PPA2: variants seen among roughly 807,000 people sequenced by gnomAD.
PPA2 encodes inorganic pyrophosphatase 2.
In PPA2, 48 loss-of-function variants were observed where a neutral mutation model predicts 49.5. The ratio of observed to expected loss-of-function variants is 0.97; its 90% CI spans 0.77 to 1.23. The LOEUF (loss-of-function observed/expected upper bound fraction) is 1.23, where lower values mean the gene tolerates loss of function less well. Among genes scored for constraint, PPA2 ranks in the 50% most tolerant of loss-of-function variants. The pLI is 0.00. For missense variants in PPA2, 429 were observed against 410.1 expected, an observed-to-expected ratio of 1.05 and a Z score of -0.40; for synonymous variants, 131 against 139.9, an observed-to-expected ratio of 0.94 and a Z score of 0.45.
At chr4:105,450,564 C>G (rs1722623696) in intron 3 of PPA2, among the ~76,000 whole-genome samples, 1 of 139,710 alleles carries the variant, frequency 7.2e-6, no homozygotes, top group Non-Finnish European at 1.5e-5. Context: ...TTAGTAGAGA[C>G]AGGGTTTCAC....
intron 10 of PPA2, among the ~76,000 whole-genome samples, chr4:105,374,465 T>C (rs1389914263): frequency 6.6e-6 from 1 of 152,238 alleles, no homozygotes; most frequent in Non-Finnish European, 1.5e-5. Context: ...TCTCATTATC[T>C]TTATATCTTT....
rs1422427246 is a variant in PPA2 at position 105,449,481 on chromosome 4, TACCTTAGATGTTTTCCCCCGACAAAAAAA to T, written c.268-107_268-79del. 3.5e-5 allele frequency: 30 copies of T among 845,588 alleles called. No individual in the cohort carries two copies. In the African/African-American group the frequency reaches 4.8e-4, roughly 14 times the overall value. The allele number at this position is 845,588 out of a possible 1,614,324, so 52.4% of individuals were successfully genotyped here. ...TTTTCCGTTACCTCCCTTATAAGAA[TACCTTAGATGTTTTCCCCCGACAAAAAAA>T]ATGTTGAGTCTCCATCATACATCTA... On this transcript the variant is annotated intron_variant, in intron 3 of 11. Transcript: ENST00000341695.
At chr4:105,404,071 T>C (rs532941039) in intron 7 of PPA2, among the ~76,000 whole-genome samples, 5 of 152,156 alleles carry the variant, frequency 3.3e-5, no homozygotes, top group African/African-American at 1.2e-4. Context: ...AAGGTATATT[T>C]TATATACAAA....
intron 4 of PPA2, 79 bp from the exon 5 acceptor site, chr4:105,446,581 T>A (rs1560635274): frequency 6.9e-7 from 1 of 1,445,116 alleles, no homozygotes; most frequent in African/African-American, 1.5e-5. Flanking sequence ...CTTTTAAAAA[T>A]CTGCTATTTT....
chr4:105,459,141 T>C (rs1046904063), intron 1 of PPA2, among the ~76,000 whole-genome samples: 1 of 152,122 alleles, frequency 6.6e-6, no homozygotes, highest in Non-Finnish European at 1.5e-5. Context: ...TTCCCCACCC[T>C]AGCAACAAGG....
intron 9 of PPA2, among the ~76,000 whole-genome samples, chr4:105,394,629 CA>C (rs1428067427): frequency 2.0e-5 from 3 of 152,078 alleles, no homozygotes; most frequent in African/African-American, 4.8e-5. Context: ...TAATCCTTAT[CA>C]TTACTCAGGA....
At chr4:105,376,081 C>T (rs1329503457) in intron 10 of PPA2, among the ~76,000 whole-genome samples, 1 of 152,172 alleles carries the variant, frequency 6.6e-6, no homozygotes, top group African/African-American at 2.4e-5. Flanking sequence ...ACATGAAATG[C>T]TTATATTGAT....
chr4:105,370,910 T>G (rs140978728), intron 10 of PPA2, 37 bp from the exon 11 acceptor site: 1 of 1,434,756 alleles, frequency 7.0e-7, no homozygotes, highest in South Asian at 1.4e-5. Context: ...TCTGTTACAA[T>G]AAATATTTAT....
intron 1 of PPA2, among the ~76,000 whole-genome samples, chr4:105,466,215 C>A (rs971398361): frequency 2.0e-5 from 3 of 151,974 alleles, no homozygotes; most frequent in East Asian, 3.9e-4. Context: ...AGAGAACACC[C>A]ACTTGACCTT....
intron 7 of PPA2, among the ~76,000 whole-genome samples, chr4:105,410,801 A>C (rs1722717769): frequency 6.6e-6 from 1 of 152,214 alleles, no homozygotes; most frequent in Non-Finnish European, 1.5e-5. Flanking sequence ...AGAATTTCAT[A>C]TCAAGCCAAA....
At chr4:105,467,496 A>C (rs1006885592) in intron 1 of PPA2, among the ~76,000 whole-genome samples, 10 of 152,202 alleles carry the variant, frequency 6.6e-5, no homozygotes, top group African/African-American at 2.4e-4. Flanking sequence ...ATATTTCAAA[A>C]AATTTTTTGA....
At chr4:105,411,358 T>C (rs1163653968) in intron 7 of PPA2, among the ~76,000 whole-genome samples, 1 of 152,152 alleles carries the variant, frequency 6.6e-6, no homozygotes, top group Non-Finnish European at 1.5e-5. Context: ...CAAGAAGAGC[T>C]AACTATCCTA....
intron 7 of PPA2, among the ~76,000 whole-genome samples, chr4:105,410,988 A>G (rs760778333): frequency 3.3e-5 from 5 of 152,250 alleles, no homozygotes; most frequent in Non-Finnish European, 5.9e-5. Flanking sequence ...CATCAACACT[A>G]TGAAGAAACA....
rs780390119 is a variant in PPA2, at chr4:105,473,707, G to C, written c.157+187C>G. The C allele has an allele frequency of 6.9e-5, 64 of 932,980 alleles. 2 individuals carry two copies. In the South Asian group the frequency reaches 7.0e-4, roughly 10 times the overall value. The allele number at this position is 932,980 out of a possible 1,614,324, so 57.8% of individuals were successfully genotyped here. ...TGGGGTCTTGATCCGCCGCCTCCTC[G>C]CTGGCAGTTCTCGTGACTCGGTGCG... On this transcript the variant is annotated intron_variant, in intron 1 of 11. Transcript: ENST00000341695.
intron 1 of PPA2, among the ~76,000 whole-genome samples, chr4:105,470,687 AT>A (rs1476949239): frequency 2.0e-5 from 3 of 152,232 alleles, no homozygotes; most frequent in Non-Finnish European, 4.4e-5. Context: ...CATTTATTAA[AT>A]ACCTATCACG....
chr4:105,464,585 T>G (rs1723225058), intron 1 of PPA2, among the ~76,000 whole-genome samples: 1 of 152,192 alleles, frequency 6.6e-6, no homozygotes, highest in Non-Finnish European at 1.5e-5. Flanking sequence ...CACCCAAATC[T>G]CATCTTGAAT....
chr4:105,378,065 G>T (rs1484235936), intron 10 of PPA2, among the ~76,000 whole-genome samples: 1 of 152,096 alleles, frequency 6.6e-6, no homozygotes, highest in Admixed American at 6.6e-5. Context: ...TGAGTGGAAT[G>T]ACTTGATCAC....
chr4:105,393,000 G>A (rs556095227), intron 9 of PPA2, among the ~76,000 whole-genome samples: 163 of 152,156 alleles, frequency 1.1e-3, no homozygotes, highest in Non-Finnish European at 2.0e-3. Flanking sequence ...AACATGGCCA[G>A]TTCAAGAAAT....
In PPA2 at chr4:105,467,987, G is replaced by A. The variant is rs777375231; in HGVS notation, c.157+5907C>T. On this transcript the variant is annotated intron_variant, in intron 1 of 11. Coordinates refer to ENST00000341695, the MANE Select transcript of PPA2 (RefSeq NM_176869.3). Reference sequence around the variant, plus strand: ...TATAAATTGGGGAATCATAAACAGCGTCTAACACTATGGGACCTGATGGGA... The same window carrying A: ...TATAAATTGGGGAATCATAAACAGCATCTAACACTATGGGACCTGATGGGA... Among the ~76,000 whole-genome samples, 3 of 152,188 alleles carry A rather than the reference G, an allele frequency of 2.0e-5. No homozygotes were observed. The East Asian group carries it at 5.8e-4, about 29-fold the overall frequency.
Sources: gnomAD v4.1 joint callset for allele counts (sites outside exome capture counted in the v4.1 genomes callset) on GRCh38, gnomAD v4.1.1 for gene constraint, MANE v1.5 for transcripts, NCBI Gene and HGNC (gene_info 2026-07-23, HGNC 2026-07-21) for gene names.